The following NXPH1 variants were observed in gnomAD, a reference collection of about 807,000 sequenced individuals.
NXPH1 encodes neurexophilin 1.
In NXPH1, 5 loss-of-function variants were observed where a neutral mutation model predicts 23.7. The ratio of observed to expected loss-of-function variants is 0.21; its 90% CI spans 0.11 to 0.44. NXPH1 has a LOEUF of 0.44. Among genes scored for constraint, NXPH1 ranks in the 20% least tolerant of loss-of-function variants. The pLI, the probability that NXPH1 is intolerant of heterozygous loss-of-function variation, is 0.99. For missense variants in NXPH1, 324 were observed against 321.6 expected (o/e 1.01, Z -0.06); for synonymous variants, 144 against 122.2 (o/e 1.18, Z -1.18).
chr7:8,589,343 C>T (rs1462273794), intron 2 of NXPH1, among the ~76,000 whole-genome samples: 4 of 152,038 alleles, frequency 2.6e-5, no homozygotes, highest in South Asian at 4.1e-4. Context: ...TTGAGCAAGA[C>T]TTCTGAAAAT....
At chr7:8,537,378 G>C (rs903210408) in intron 2 of NXPH1, among the ~76,000 whole-genome samples, 18 of 151,942 alleles carry the variant, frequency 1.2e-4, no homozygotes, top group African/African-American at 3.9e-4. Context: ...TTGACAATTT[G>C]GCATGGCTGG....
At chr7:8,729,989 G>A (rs953859769) in intron 2 of NXPH1, among the ~76,000 whole-genome samples, 12 of 151,848 alleles carry the variant, frequency 7.9e-5, no homozygotes, top group Admixed American at 1.3e-4. Context: ...CTCTTTGTAG[G>A]TCACTCAGGA....
Position 8,751,127 on chromosome 7 carries a change from C to CCTGTCACAGA in NXPH1, c.177_186dup (p.Phe63ValfsTer10). The CCTGTCACAGA allele has an allele frequency of 6.2e-7, 1 of 1,613,838 alleles. No individual in the cohort carries two copies. Among genetic ancestry groups the CCTGTCACAGA allele is most frequent in the Non-Finnish European group, 8.5e-7 (1 of 1,179,786 alleles). ...GCAAAGACTTGTCTATCAGCCGACT[C>CCTGTCACAGA]CTGTCACAGACTTTTCGTGGCAAAG... On this transcript the variant is annotated frameshift_variant, in exon 3 of 3. Transcript: ENST00000405863. LOFTEE classifies it high-confidence loss of function. This position sits in a 1 kb window ranked among gnomAD's most constrained non-coding sequence, Gnocchi z 4.5.
intron 2 of NXPH1, among the ~76,000 whole-genome samples, chr7:8,608,456 A>T (rs1329480367): frequency 2.0e-5 from 3 of 150,932 alleles, no homozygotes; most frequent in Non-Finnish European, 4.4e-5. Context: ...GTAGCCTCCC[A>T]CTCCTGATTA....
chr7:8,632,800 G>C (rs1017121091), intron 2 of NXPH1, among the ~76,000 whole-genome samples: 3 of 152,176 alleles, frequency 2.0e-5, no homozygotes, highest in African/African-American at 7.2e-5. Context: ...ATTGTAGTTT[G>C]TTAGAAGATT....
chr7:8,516,463 T>G (rs17150221), intron 2 of NXPH1, among the ~76,000 whole-genome samples: 36,083 of 152,084 alleles, frequency 0.24, 4,431 homozygotes, highest in East Asian at 0.31. Context: ...TAATACTGTT[T>G]TTGCTGATTA....
intron 2 of NXPH1, among the ~76,000 whole-genome samples, chr7:8,731,672 A>T (rs6463836): frequency 6.6e-6 from 1 of 151,978 alleles, no homozygotes; most frequent in Non-Finnish European, 1.5e-5. Flanking sequence ...GGGTCAGGGA[A>T]CCAGTTGAAG....
At chr7:8,460,459 C>A (rs567663681) in intron 2 of NXPH1, among the ~76,000 whole-genome samples, 1 of 152,152 alleles carries the variant, frequency 6.6e-6, no homozygotes, top group East Asian at 1.9e-4. Flanking sequence ...GGGTTTGAGC[C>A]TTGATAGCAA....
chr7:8,636,206 C>T (rs946767979), intron 2 of NXPH1, among the ~76,000 whole-genome samples: 1 of 152,146 alleles, frequency 6.6e-6, no homozygotes, highest in African/African-American at 2.4e-5. Flanking sequence ...ACTCCAGCAA[C>T]AGCCCTCTGG....
At chr7:8,686,206 T>G (rs987118879) in intron 2 of NXPH1, among the ~76,000 whole-genome samples, 21 of 152,182 alleles carry the variant, frequency 1.4e-4, no homozygotes, top group Non-Finnish European at 3.1e-4. Context: ...ATGCCTGATA[T>G]TTTATACCTA....
Position 8,483,965 on chromosome 7 carries a change from C to CTTTTTTTTTTTTTTTTTT in NXPH1, c.54+48215_54+48216insTTTTTTTTTTTTTTTTTT, listed in dbSNP as rs60436502. On this transcript the variant is annotated intron_variant, in intron 2 of 2. Transcript: ENST00000405863. The stretch of plus-strand genomic sequence containing the variant: ...CTAGAATAAATAACACTCCCCCCAC[C>CTTTTTTTTTTTTTTTTTT]TTTTTTTTTTTTTTTTTAAGAAGTA... Among the ~76,000 whole-genome samples the CTTTTTTTTTTTTTTTTTT allele has an allele frequency of 7.0e-3, 926 of 132,066 alleles. 45 individuals carry two copies. Among genetic ancestry groups the CTTTTTTTTTTTTTTTTTT allele is most frequent in the African/African-American group, 0.028 (888 of 31,810 alleles). 86.6% of individuals were successfully genotyped at this position (132,066 alleles called of 152,430 possible). A position where few individuals can be genotyped will look rare whatever the true frequency, so the allele number is the denominator to read the frequency against.
At position 8,501,926 on chromosome 7, in the gene NXPH1, C is replaced by T. The variant is rs886426318; in HGVS notation, c.54+66159C>T. Among the ~76,000 whole-genome samples, 8 of 151,986 alleles carry T rather than the reference C, an allele frequency of 5.3e-5. No homozygotes were observed. In the South Asian group the frequency reaches 8.3e-4, roughly 16 times the overall value. ...CCATCCAGTGGCCTACACAGATATT[C>T]GAAAGTTGTCTTGGAATATTATACA... On this transcript the variant is annotated intron_variant, in intron 2 of 2. Coordinates refer to ENST00000405863, the MANE Select transcript of NXPH1 (RefSeq NM_152745.3).
chr7:8,598,400 T>C (rs78094713), intron 2 of NXPH1, among the ~76,000 whole-genome samples: 3,724 of 152,206 alleles, frequency 0.024, 133 homozygotes, highest in African/African-American at 0.076. Context: ...TTGGCTAATA[T>C]TGGGGCACAT....
rs1349459021 is a variant in NXPH1, at chr7:8,668,020, A to G, written c.55-82988A>G. Among the ~76,000 whole-genome samples the G allele has an allele frequency of 2.0e-5, 3 of 151,560 alleles. No homozygotes were observed. In the East Asian group the frequency reaches 5.9e-4, roughly 30 times the overall value. On this transcript the variant is annotated intron_variant, in intron 2 of 2. Coordinates refer to ENST00000405863, the MANE Select transcript of NXPH1 (RefSeq NM_152745.3). Reference sequence around the variant, plus strand: ...TGTTGTTGTTGTTGTTTAGTTCATTATATTTTCCAGCTCCGGGATTTCTGA... The same window carrying G: ...TGTTGTTGTTGTTGTTTAGTTCATTGTATTTTCCAGCTCCGGGATTTCTGA...
chr7:8,502,779 C>T (rs1210780440), intron 2 of NXPH1, among the ~76,000 whole-genome samples: 1 of 151,456 alleles, frequency 6.6e-6, no homozygotes, highest in Non-Finnish European at 1.5e-5. Context: ...CATCAAAGTA[C>T]CTCACTGGCA....
intron 2 of NXPH1, among the ~76,000 whole-genome samples, chr7:8,745,462 A>C (rs1257505377): frequency 1.3e-5 from 2 of 151,744 alleles, no homozygotes; most frequent in African/African-American, 4.8e-5. Flanking sequence ...TGGAGTAGAG[A>C]GATGTTTGTC....
At chr7:8,513,890 A>T (rs1206442241) in intron 2 of NXPH1, among the ~76,000 whole-genome samples, 1 of 152,130 alleles carries the variant, frequency 6.6e-6, no homozygotes, top group African/African-American at 2.4e-5. Flanking sequence ...TCTGGAGACT[A>T]CAAGTCTGAA....
At chr7:8,545,823 A>G (rs1818189740) in intron 2 of NXPH1, among the ~76,000 whole-genome samples, 1 of 151,506 alleles carries the variant, frequency 6.6e-6, no homozygotes, top group Non-Finnish European at 1.5e-5. Flanking sequence ...AAGCACTGTC[A>G]GCCCTTAATA....
At chr7:8,551,020 TAC>T (rs1818268219) in intron 2 of NXPH1, among the ~76,000 whole-genome samples, 3 of 151,508 alleles carry the variant, frequency 2.0e-5, no homozygotes, top group Non-Finnish European at 3.0e-5. Flanking sequence ...TCAAAGAATG[TAC>T]AGTTTTAAAT....
Sources: gnomAD v4.1 joint callset for allele counts (sites outside exome capture counted in the v4.1 genomes callset) on GRCh38, gnomAD v4.1.1 for gene constraint, Gnocchi (gnomAD v3.1) non-coding constraint, MANE v1.5 for transcripts, NCBI Gene and HGNC (gene_info 2026-07-23, HGNC 2026-07-21) for gene names.